TDRD3: variants seen among roughly 807,000 people sequenced by gnomAD.
TDRD3 encodes tudor domain containing 3.
A neutral mutation model predicts 86.7 loss-of-function variants in TDRD3; 45 were observed. The observed-to-expected ratio is 0.52, with a 90% confidence interval of 0.41 to 0.67. The LOEUF (loss-of-function observed/expected upper bound fraction) is 0.67. Among genes scored for constraint, TDRD3 ranks in the 30% least tolerant of loss-of-function variants. The probability of loss-of-function intolerance (pLI) is 0.00; values close to 1 mark genes in which losing one functional copy is unlikely to be tolerated. For missense variants in TDRD3, 814 were observed against 889.0 expected (o/e 0.92, Z 1.07); for synonymous variants, 298 against 301.7 (o/e 0.99, Z 0.13).
chr13:60,480,645 T>C (rs1380090314), intron 5 of TDRD3, among the ~76,000 whole-genome samples: 1 of 152,234 alleles, frequency 6.6e-6, no homozygotes, highest in Non-Finnish European at 1.5e-5. Flanking sequence ...GTTTGGTCTC[T>C]TTACATAACC....
intron 3 of TDRD3, among the ~76,000 whole-genome samples, chr13:60,452,982 AGTTT>A (rs1296442933): frequency 2.0e-5 from 3 of 151,810 alleles, no homozygotes; most frequent in African/African-American, 7.3e-5. Context: ...TTGTATTTTT[AGTTT>A]GATTCATTTA....
At chr13:60,572,172 G>A (rs918310372) in intron 13 of TDRD3, among the ~76,000 whole-genome samples, 1 of 152,140 alleles carries the variant, frequency 6.6e-6, no homozygotes, top group South Asian at 2.1e-4. Context: ...GTGGGGTGGA[G>A]TCCTCTGAAG....
At chr13:60,526,512 A>C (rs973829028) in intron 10 of TDRD3, among the ~76,000 whole-genome samples, 2 of 152,130 alleles carry the variant, frequency 1.3e-5, no homozygotes, top group South Asian at 2.1e-4. Context: ...GCAGAAACTA[A>C]AAGTGACCAT....
intron 12 of TDRD3, 46 bp from the exon 13 acceptor site, chr13:60,567,479 C>G: frequency 6.2e-7 from 1 of 1,613,086 alleles, no homozygotes; most frequent in Non-Finnish European, 8.5e-7. Flanking sequence ...ACTTAAGAAA[C>G]TTGGAGCCAT....
chr13:60,572,255 T>C (rs780003088), intron 13 of TDRD3, among the ~76,000 whole-genome samples: 14 of 152,126 alleles, frequency 9.2e-5, no homozygotes, highest in Non-Finnish European at 1.9e-4. Context: ...GTGGCTACAA[T>C]AGAGAATATG....
intron 12 of TDRD3, among the ~76,000 whole-genome samples, chr13:60,555,556 A>G (rs1595113599): frequency 6.6e-6 from 1 of 152,222 alleles, no homozygotes; most frequent in African/African-American, 2.4e-5. Context: ...ACTTGGTGAC[A>G]TCATAGAGCA....
At chr13:60,451,443 G>A (rs1333154119) in intron 3 of TDRD3, among the ~76,000 whole-genome samples, 2 of 152,132 alleles carry the variant, frequency 1.3e-5, no homozygotes, top group South Asian at 4.1e-4. Context: ...GTTCCAGCTC[G>A]TGAAGTTCAT....
At chr13:60,469,030 A>G (rs1220717820) in intron 5 of TDRD3, among the ~76,000 whole-genome samples, 1 of 152,266 alleles carries the variant, frequency 6.6e-6, no homozygotes, top group East Asian at 1.9e-4. Flanking sequence ...GTAAATAGAT[A>G]AGGACCTTAG....
chr13:60,517,504 ATGGT>A (rs1031460583), intron 10 of TDRD3, among the ~76,000 whole-genome samples: 1 of 152,210 alleles, frequency 6.6e-6, no homozygotes, highest in Admixed American at 6.5e-5. Flanking sequence ...CCAGGGATAA[ATGGT>A]TGCTATGTGA....
chr13:60,444,906 A>G (rs918268227), intron 3 of TDRD3, among the ~76,000 whole-genome samples, 158 bp downstream of exon 3: 1 of 151,970 alleles, frequency 6.6e-6, no homozygotes, highest in Non-Finnish European at 1.5e-5. Flanking sequence ...TCCATGGAAA[A>G]TTATTAAGAA....
intron 4 of TDRD3, chr13:60,460,742 A>G: frequency 2.4e-6 from 1 of 424,910 alleles, no homozygotes; most frequent in Non-Finnish European, 3.9e-6. Flanking sequence ...TGGTGGCTCA[A>G]GCCTGTAATC....
intron 8 of TDRD3, among the ~76,000 whole-genome samples, chr13:60,508,329 G>T (rs1477707910): frequency 6.6e-6 from 1 of 152,102 alleles, no homozygotes; most frequent in Non-Finnish European, 1.5e-5. Flanking sequence ...TAAGCAAAAA[G>T]AACAAAGCTG....
At chr13:60,525,914 G>A (rs1428113000) in intron 10 of TDRD3, among the ~76,000 whole-genome samples, 39 of 152,182 alleles carry the variant, frequency 2.6e-4, no homozygotes, top group Admixed American at 2.5e-3. Flanking sequence ...TAGTTCTCCA[G>A]TATAGTTCCA....
intron 1 of TDRD3, among the ~76,000 whole-genome samples, chr13:60,438,662 A>G (rs1297231272): frequency 1.3e-5 from 2 of 152,036 alleles, no homozygotes; most frequent in Non-Finnish European, 2.9e-5. Context: ...TACTTCTTAA[A>G]GGCACTTTTT....
At chr13:60,471,369 G>C (rs1044783454) in intron 5 of TDRD3, among the ~76,000 whole-genome samples, 1 of 152,006 alleles carries the variant, frequency 6.6e-6, no homozygotes, top group Non-Finnish European at 1.5e-5. Flanking sequence ...TTATTTCTAG[G>C]TTATCTGTTC....
chr13:60,407,274 G>A (rs1169219622), intron 1 of TDRD3, among the ~76,000 whole-genome samples: 1 of 152,180 alleles, frequency 6.6e-6, no homozygotes, highest in Non-Finnish European at 1.5e-5. Flanking sequence ...AAGGTGCACA[G>A]TAGACACTTA....
At chr13:60,483,275 T>C (rs540276232) in intron 5 of TDRD3, among the ~76,000 whole-genome samples, 1 of 152,252 alleles carries the variant, frequency 6.6e-6, no homozygotes, top group African/African-American at 2.4e-5. Context: ...TAAGGAAGGT[T>C]AAGGAAATTT....
In TDRD3 at chr13:60,505,786, T is replaced by C. The variant is rs111656033; in HGVS notation, c.859-3977T>C. On this transcript the variant is annotated intron_variant, in intron 8 of 13. Coordinates refer to ENST00000377881, the MANE Select transcript of TDRD3 (RefSeq NM_001146070.2). ...AAAGTGGAAGAAAGGATATCAGAGATTGAAGATCAACTTAATGAAATAAAG... is the reference window on the plus strand; with the variant it reads ...AAAGTGGAAGAAAGGATATCAGAGACTGAAGATCAACTTAATGAAATAAAG... 5.0e-3 allele frequency among the ~76,000 whole-genome samples: 756 copies of C among 152,068 alleles called. 3 individuals are homozygous for C. The highest frequency in any genetic ancestry group is 0.024 in the Middle Eastern group (7 of 294).
chr13:60,409,524 A>C (rs1954309411), intron 1 of TDRD3, among the ~76,000 whole-genome samples: 1 of 152,214 alleles, frequency 6.6e-6, no homozygotes, highest in African/African-American at 2.4e-5. Flanking sequence ...CTCTTGCATC[A>C]GTGTGACCTG....
Sources: gnomAD v4.1 joint callset for allele counts (sites outside exome capture counted in the v4.1 genomes callset) on GRCh38, gnomAD v4.1.1 for gene constraint, MANE v1.5 for transcripts, NCBI Gene and HGNC (gene_info 2026-07-23, HGNC 2026-07-21) for gene names.